The following SLC35F4 variants were observed in gnomAD, a reference collection of about 807,000 sequenced individuals.
The protein encoded by SLC35F4 is solute carrier family 35 member F4, also known as chromosome 14 open reading frame 36.
A neutral mutation model predicts 44.2 loss-of-function variants in SLC35F4; 24 were observed. The observed-to-expected ratio is 0.54, with a 90% CI of 0.39 to 0.76. The LOEUF (loss-of-function observed/expected upper bound fraction) is 0.76. SLC35F4 is among the 30% of genes least tolerant of loss of function. SLC35F4 has a pLI of 0.00. For missense variants in SLC35F4, 562 were observed against 586.1 expected, an observed-to-expected ratio of 0.96 and a Z score of 0.42; for synonymous variants, 238 against 223.6, an observed-to-expected ratio of 1.06 and a Z score of -0.57.
At chr14:57,603,168 C>G (rs2070929797) in intron 1 of SLC35F4, among the ~76,000 whole-genome samples, 1 of 152,096 alleles carries the variant, frequency 6.6e-6, no homozygotes, top group Non-Finnish European at 1.5e-5. Flanking sequence ...TTTGCTGATT[C>G]TAGATATGGA....
At position 57,563,983 on chromosome 14, in the gene SLC35F4, G is replaced by A. The variant is rs189250514; in HGVS notation, c.*152C>T. ...ATTATTTACACCAATTCCTTGATAA[G>A]CATATAAATGTAAACTTTTATTGTT... On this transcript the variant is annotated 3_prime_UTR_variant, in exon 8 of 8. Transcript: ENST00000556826. 1.3e-6 allele frequency: 1 copy of A among 764,248 alleles called. No individual in the cohort carries two copies. Among genetic ancestry groups the A allele is most frequent in the East Asian group, 2.7e-5 (1 of 36,458 alleles). The allele number at this position is 764,248 out of a possible 1,614,324, so 47.3% of individuals were successfully genotyped here.
intron 1 of SLC35F4, among the ~76,000 whole-genome samples, chr14:57,891,362 T>C (rs902044140): frequency 2.0e-5 from 3 of 152,144 alleles, no homozygotes; most frequent in Admixed American, 2.0e-4. Context: ...TTACTTTATA[T>C]TCACAAAAGT....
At chr14:57,848,582 G>A (rs759849226) in intron 1 of SLC35F4, among the ~76,000 whole-genome samples, 5 of 152,170 alleles carry the variant, frequency 3.3e-5, no homozygotes, top group Non-Finnish European at 7.3e-5. Context: ...AGCTCTTTTG[G>A]GAGATGATTC....
chr14:57,744,800 A>G (rs1566816279), intron 1 of SLC35F4, among the ~76,000 whole-genome samples: 2 of 152,228 alleles, frequency 1.3e-5, no homozygotes, highest in Admixed American at 1.3e-4. Context: ...CTAAGCCAAA[A>G]GAACAAAGCT....
chr14:57,726,112 AC>A (rs2076196879), intron 1 of SLC35F4, among the ~76,000 whole-genome samples: 1 of 152,182 alleles, frequency 6.6e-6, no homozygotes, highest in Non-Finnish European at 1.5e-5. Context: ...GACTATCAAG[AC>A]TAAATCAGTC....
At chr14:57,776,341 C>A (rs945008871) in intron 1 of SLC35F4, among the ~76,000 whole-genome samples, 3 of 152,070 alleles carry the variant, frequency 2.0e-5, no homozygotes, top group African/African-American at 7.2e-5. Flanking sequence ...CCAAGACATA[C>A]AATTATCAGA....
At chr14:57,971,140 C>A (rs577958478) in intron 1 of SLC35F4, among the ~76,000 whole-genome samples, 5 of 152,158 alleles carry the variant, frequency 3.3e-5, no homozygotes, top group African/African-American at 1.2e-4. Context: ...CCAGACCTTG[C>A]CAGACTTGGT....
At chr14:57,969,936 T>C (rs1881005508) in intron 1 of SLC35F4, among the ~76,000 whole-genome samples, 1 of 152,108 alleles carries the variant, frequency 6.6e-6, no homozygotes, top group African/African-American at 2.4e-5. Flanking sequence ...CACAAAAGTC[T>C]CACACTAAGT....
intron 1 of SLC35F4, among the ~76,000 whole-genome samples, chr14:57,797,476 G>A (rs1223650465): frequency 6.6e-6 from 1 of 152,144 alleles, no homozygotes; most frequent in Non-Finnish European, 1.5e-5. Context: ...TCACTGACTA[G>A]CTGTGTATTC....
intron 1 of SLC35F4, among the ~76,000 whole-genome samples, chr14:57,668,068 A>G (rs1025511154): frequency 2.0e-5 from 3 of 149,250 alleles, no homozygotes; most frequent in Non-Finnish European, 4.4e-5. Context: ...TTTGATTTGC[A>G]TTTCTCTGAT....
intron 1 of SLC35F4, among the ~76,000 whole-genome samples, chr14:57,826,432 C>T (rs1377625334): frequency 6.6e-6 from 1 of 152,044 alleles, no homozygotes; most frequent in Non-Finnish European, 1.5e-5. Flanking sequence ...CTAGGCAATA[C>T]CATTCAGGAC....
At chr14:57,566,047 GC>G (rs1172483176) in intron 7 of SLC35F4, among the ~76,000 whole-genome samples, 1 of 152,104 alleles carries the variant, frequency 6.6e-6, no homozygotes, top group Non-Finnish European at 1.5e-5. Context: ...CATCTGCTCT[GC>G]CCCAGGAGAG....
intron 1 of SLC35F4, among the ~76,000 whole-genome samples, chr14:57,944,694 G>GA (rs371437177): frequency 1.7e-5 from 1 of 58,984 alleles, no homozygotes; most frequent in Non-Finnish European, 3.5e-5. Context: ...AAGAAAGAAA[G>GA]AAAAGAAAGA....
At chr14:57,721,178 T>G (rs981883604) in intron 1 of SLC35F4, among the ~76,000 whole-genome samples, 1 of 151,694 alleles carries the variant, frequency 6.6e-6, no homozygotes, top group Admixed American at 6.6e-5. Flanking sequence ...CATTGCTTGC[T>G]TAATATGATT....
intron 1 of SLC35F4, among the ~76,000 whole-genome samples, chr14:57,854,018 C>T (rs1285272471): frequency 6.6e-6 from 1 of 152,190 alleles, no homozygotes; most frequent in Non-Finnish European, 1.5e-5. Flanking sequence ...TTGCCAAATT[C>T]TTTAAGCCAA....
chr14:57,799,970 G>A (rs1460642861), intron 1 of SLC35F4, among the ~76,000 whole-genome samples: 1 of 152,192 alleles, frequency 6.6e-6, no homozygotes, highest in East Asian at 1.9e-4. Flanking sequence ...AGACAAGGAA[G>A]GGTCCCACAC....
At chr14:57,625,363 A>G (rs1205906640) in intron 1 of SLC35F4, among the ~76,000 whole-genome samples, 1 of 152,224 alleles carries the variant, frequency 6.6e-6, no homozygotes, top group Non-Finnish European at 1.5e-5. Flanking sequence ...TATCATAAAA[A>G]TGGCCATACT....
At chr14:57,906,969 A>T (rs1015982967) in intron 1 of SLC35F4, among the ~76,000 whole-genome samples, 7 of 152,246 alleles carry the variant, frequency 4.6e-5, no homozygotes, top group Admixed American at 6.5e-5. Context: ...TTGCTTTCCA[A>T]TAACCAATAT....
intron 1 of SLC35F4, among the ~76,000 whole-genome samples, chr14:57,647,982 T>C (rs2073614243): frequency 6.6e-6 from 1 of 152,184 alleles, no homozygotes; most frequent in South Asian, 2.1e-4. Context: ...TTGCCCATGC[T>C]TTATTCAGAA....
Sources: allele counts gnomAD v4.1 joint callset (sites outside exome capture counted in the v4.1 genomes callset), GRCh38; gene constraint gnomAD v4.1.1; transcripts MANE v1.5; gene names NCBI Gene and HGNC (gene_info 2026-07-23, HGNC 2026-07-21).